TMCC1: variants seen among roughly 807,000 people sequenced by gnomAD.
TMCC1 encodes the protein transmembrane and coiled-coil domains protein 1.
Under a neutral mutation model 52.4 loss-of-function variants are expected in TMCC1, and 15 were observed. The ratio of observed to expected loss-of-function variants is 0.29; its 90% CI spans 0.19 to 0.44. The LOEUF is 0.44. Ranked by LOEUF, TMCC1 falls within the 20% of genes least tolerant of loss-of-function variation. The pLI, the probability that TMCC1 is intolerant of heterozygous loss-of-function variation, is 1.00. For missense variants in TMCC1, 503 were observed against 806.0 expected, an observed-to-expected ratio of 0.62 and a Z score of 4.55; for synonymous variants, 279 against 301.9, an observed-to-expected ratio of 0.92 and a Z score of 0.79.
intron 4 of TMCC1, among the ~76,000 whole-genome samples, chr3:129,755,724 A>C (rs1256322540): frequency 6.6e-6 from 1 of 152,254 alleles, no homozygotes; most frequent in Non-Finnish European, 1.5e-5. Flanking sequence ...CCCAAAATCC[A>C]GAAACAGACA....
intron 4 of TMCC1, among the ~76,000 whole-genome samples, chr3:129,710,055 A>G (rs1169660516): frequency 2.6e-5 from 4 of 151,950 alleles, no homozygotes; most frequent in Admixed American, 2.6e-4. Context: ...GCATGGTGGC[A>G]TGTGCCTGTA....
intron 2 of TMCC1, among the ~76,000 whole-genome samples, chr3:129,851,799 T>C (rs532755302): frequency 2.6e-5 from 4 of 152,296 alleles, no homozygotes; most frequent in African/African-American, 9.6e-5. Context: ...CACAGCAGTA[T>C]AGATGAATAG....
chr3:129,725,144 T>TG lies in TMCC1; in HGVS notation c.577-53881dup, dbSNP rs554580573. On this transcript the variant is annotated intron_variant, in intron 4 of 6. Coordinates refer to ENST00000393238, the MANE Select transcript of TMCC1 (RefSeq NM_001017395.5). ...TCTTTTTCTTTTTGAGACAGGGTCT[T>TG]GCTCTGCCATCCAGGCTGAAGTGCA... Among the ~76,000 whole-genome samples the TG allele has an allele frequency of 8.9e-4, 136 of 152,322 alleles. 3 individuals carry two copies. The East Asian group carries it at 0.024, about 27-fold the overall frequency.
chr3:129,719,648 G>A (rs1576572198), intron 4 of TMCC1, among the ~76,000 whole-genome samples: 1 of 152,192 alleles, frequency 6.6e-6, no homozygotes, highest in East Asian at 1.9e-4. Context: ...CCCAGCTGGT[G>A]TCTGCTGCAG....
chr3:129,705,897 TTC>T (rs1389697597), intron 4 of TMCC1, among the ~76,000 whole-genome samples: 4 of 4,474 alleles, frequency 8.9e-4, no homozygotes, highest in Non-Finnish European at 3.9e-3. Flanking sequence ...CGGCCTTTTT[TTC>T]TTTTTTTTTG....
intron 2 of TMCC1, among the ~76,000 whole-genome samples, chr3:129,843,121 C>T (rs990365146): frequency 3.3e-5 from 5 of 152,172 alleles, no homozygotes; most frequent in African/African-American, 9.6e-5. Context: ...CTGAGGTGGG[C>T]AGATCACGAG....
At chr3:129,829,378 G>C (rs1410455717) in intron 3 of TMCC1, among the ~76,000 whole-genome samples, 1 of 122,932 alleles carries the variant, frequency 8.1e-6, no homozygotes, top group Admixed American at 1.1e-4. Context: ...AGTATTAAAT[G>C]CAAGAAATTA....
At chr3:129,801,338 C>G (rs923401109) in intron 4 of TMCC1, among the ~76,000 whole-genome samples, 4 of 152,020 alleles carry the variant, frequency 2.6e-5, no homozygotes, top group Non-Finnish European at 5.9e-5. Context: ...ATATATCCTA[C>G]ATTATTTTAA....
chr3:129,863,065 C>T (rs1305821439), intron 2 of TMCC1, among the ~76,000 whole-genome samples: 1 of 152,108 alleles, frequency 6.6e-6, no homozygotes, highest in African/African-American at 2.4e-5. Context: ...AATAATAAAG[C>T]ACTCAAAGTG....
intron 2 of TMCC1, among the ~76,000 whole-genome samples, chr3:129,843,876 A>T (rs902887788): frequency 6.7e-6 from 1 of 148,794 alleles, no homozygotes; most frequent in Non-Finnish European, 1.5e-5. Flanking sequence ...TATGAGACTA[A>T]CATTACTCTA....
chr3:129,648,684 T>C lies in TMCC1; in HGVS notation c.*2797A>G, dbSNP rs1328165141. 1.5e-5 allele frequency: 1 copy of C among 67,472 alleles called. No homozygotes were observed. Among genetic ancestry groups the C allele is most frequent in the African/African-American group, 3.0e-5 (1 of 33,832 alleles). 4.2% of individuals were successfully genotyped at this position (67,472 alleles called of 1,614,324 possible). A position where few individuals can be genotyped will look rare whatever the true frequency, so the allele number is the denominator to read the frequency against. The stretch of plus-strand genomic sequence containing the variant: ...ATTTTAAAGGGAATGAATACAGTTT[T>C]CTTTTCTTTTTTTTTTAGAGGAGCA... On this transcript the variant is annotated 3_prime_UTR_variant, in exon 7 of 7. Coordinates refer to ENST00000393238, the MANE Select transcript of TMCC1 (RefSeq NM_001017395.5).
intron 4 of TMCC1, among the ~76,000 whole-genome samples, chr3:129,768,912 A>C (rs2054330447): frequency 6.6e-6 from 1 of 152,220 alleles, no homozygotes; most frequent in South Asian, 2.1e-4. Context: ...GACTAGGGTT[A>C]GGCTCCTGAT....
At chr3:129,874,392 T>G (rs1454014292) in intron 2 of TMCC1, among the ~76,000 whole-genome samples, 1 of 152,214 alleles carries the variant, frequency 6.6e-6, no homozygotes, top group Admixed American at 6.5e-5. Flanking sequence ...AGCTGCCACT[T>G]ACGGCATCTA....
chr3:129,872,637 G>C, intron 2 of TMCC1, among the ~76,000 whole-genome samples: 1 of 152,122 alleles, frequency 6.6e-6, no homozygotes, highest in South Asian at 2.1e-4. Flanking sequence ...GTGCTGGTTG[G>C]AGATGAGGCG....
At chr3:129,689,351 G>A (rs1410547875) in intron 4 of TMCC1, among the ~76,000 whole-genome samples, 1 of 152,176 alleles carries the variant, frequency 6.6e-6, no homozygotes, top group Non-Finnish European at 1.5e-5. Flanking sequence ...TGGGATTTAG[G>A]CAAGTTATCA....
intron 4 of TMCC1, among the ~76,000 whole-genome samples, chr3:129,758,270 G>C (rs571936779): frequency 6.6e-6 from 1 of 152,142 alleles, no homozygotes; most frequent in East Asian, 1.9e-4. Flanking sequence ...AAAAGAAAAG[G>C]CAAGAATGAA....
chr3:129,688,547 G>C, intron 4 of TMCC1: 1 of 985,510 alleles, frequency 1.0e-6, no homozygotes, highest in Middle Eastern at 5.2e-4. Flanking sequence ...CCCTCGCATA[G>C]CCAATCCTCC....
chr3:129,686,436 C>T (rs186531200), intron 4 of TMCC1, among the ~76,000 whole-genome samples: 44 of 152,270 alleles, frequency 2.9e-4, no homozygotes, highest in African/African-American at 9.1e-4. Flanking sequence ...TCCTTTCCCA[C>T]GTACCCCACT....
At chr3:129,795,950 A>G (rs2056794459) in intron 4 of TMCC1, among the ~76,000 whole-genome samples, 1 of 152,216 alleles carries the variant, frequency 6.6e-6, no homozygotes, top group Non-Finnish European at 1.5e-5. Flanking sequence ...GTGCTGGCCT[A>G]CTGTTATAAT....
Sources: allele counts gnomAD v4.1 joint callset (sites outside exome capture counted in the v4.1 genomes callset), GRCh38; gene constraint gnomAD v4.1.1; transcripts MANE v1.5; gene names NCBI Gene and HGNC (gene_info 2026-07-23, HGNC 2026-07-21).